NSUN2: variants seen among roughly 807,000 people sequenced by gnomAD.
NSUN2 encodes the protein NOP2/Sun RNA methyltransferase 2.
NSUN2 carries 63 observed loss-of-function variants against 92.7 expected under a neutral mutation model. The ratio of observed to expected loss-of-function variants is 0.68; its 90% CI spans 0.56 to 0.84. NSUN2 has a LOEUF of 0.84. NSUN2 is among the 40% of genes least tolerant of loss of function. The probability of loss-of-function intolerance (pLI) is 0.00; values close to 1 mark genes in which losing one functional copy is unlikely to be tolerated. For missense variants in NSUN2, 989 were observed against 964.9 expected (o/e 1.02, Z -0.33); for synonymous variants, 356 against 348.3 (o/e 1.02, Z -0.25).
At chr5:6,630,165 C>CT (rs1737819423) in intron 3 of NSUN2, among the ~76,000 whole-genome samples, 1 of 152,214 alleles carries the variant, frequency 6.6e-6, no homozygotes, top group South Asian at 2.1e-4. Context: ...AATGCCATAA[C>CT]TAGAGGCTGA....
At chr5:6,632,805 T>A (rs1737989548) in intron 1 of NSUN2, 49 bp from the exon 2 acceptor site, 1 of 1,583,648 alleles carries the variant, frequency 6.3e-7, no homozygotes, top group Non-Finnish European at 8.6e-7. Context: ...AGCCGCCCCC[T>A]CGCCGCCGCC....
In NSUN2 at chr5:6,620,105, C is replaced by A; in HGVS notation, c.815+1G>T. On this transcript the variant is annotated splice_donor_variant, in intron 7 of 18. Transcript: ENST00000264670. LOFTEE classifies it high-confidence loss of function. ...GGCTTTTTGGCCAATAAGATAAATA[C>A]CTGCAAGGGACATCACATAAAATTC... 1 of 1,562,226 alleles carries A rather than the reference C, an allele frequency of 6.4e-7. No individual in the cohort carries two copies. The highest frequency in any genetic ancestry group is 8.6e-7 in the Non-Finnish European group (1 of 1,156,550).
At chr5:6,605,178 A>G in intron 15 of NSUN2, 95 bp downstream of exon 15, 1 of 1,514,640 alleles carries the variant, frequency 6.6e-7, no homozygotes, top group East Asian at 2.3e-5. Context: ...TGGGGAGGGC[A>G]GATGTCACGG....
At chr5:6,631,697 A>G (rs1737902688) in intron 3 of NSUN2, among the ~76,000 whole-genome samples, 176 bp downstream of exon 3, 1 of 152,260 alleles carries the variant, frequency 6.6e-6, no homozygotes, top group South Asian at 2.1e-4. Context: ...CGCAAATCGC[A>G]TGAAAACTTG....
At chr5:6,632,789 C>T in intron 1 of NSUN2, 33 bp from the exon 2 acceptor site, 1 of 1,603,364 alleles carries the variant, frequency 6.2e-7, no homozygotes, top group Admixed American at 1.7e-5. Context: ...ACCCCGAGGC[C>T]CAAGGAGCCG....
At chr5:6,613,305 G>A (rs3756427) in intron 9 of NSUN2, among the ~76,000 whole-genome samples, 87,756 of 152,132 alleles carry the variant, frequency 0.58, 26,184 homozygotes, top group Non-Finnish European at 0.66. Context: ...AAGACTAGAG[G>A]AAAAGTTGCA....
intron 7 of NSUN2, among the ~76,000 whole-genome samples, chr5:6,618,893 G>A (rs1737323011): frequency 6.6e-6 from 1 of 152,144 alleles, no homozygotes; most frequent in South Asian, 2.1e-4. Context: ...TGGTCTAGCC[G>A]CGTGTACACG....
Position 6,599,664 on chromosome 5 carries a change from A to G in NSUN2, c.*262T>C. ...AACTTTTGAAAGTCTATTCCCAGCA[A>G]AAGAAACACTAGACCCAGCTTGGCC... On this transcript the variant is annotated 3_prime_UTR_variant, in exon 19 of 19. Transcript: ENST00000264670. 2.4e-6 allele frequency: 1 copy of G among 425,304 alleles called. No homozygotes were observed. Among genetic ancestry groups the G allele is most frequent in the Non-Finnish European group, 4.2e-6 (1 of 240,542 alleles). 26.3% of individuals were successfully genotyped at this position (425,304 alleles called of 1,614,324 possible).
Position 6,600,145 on chromosome 5 carries a change from C to T in NSUN2, c.2085G>A (p.Arg695=). 6.2e-7 allele frequency: 1 copy of T among 1,614,154 alleles called. No homozygotes were observed. The highest frequency in any genetic ancestry group is 8.5e-7 in the Non-Finnish European group (1 of 1,179,986). The change falls in exon 19 of 19, where the codon CGG becomes CGA. Residue 695 remains arginine (R), a synonymous_variant. Transcript: ENST00000264670. The part of the protein sequence containing the change: ...SIRTFVPKNE[R]LHYLRMMGLE... Reference sequence around the variant, plus strand: ...GCCCCATCATCCTGAGATAATGAAGCCGTTCATTCTTGGGCACAAAAGTTC... The same window carrying T: ...GCCCCATCATCCTGAGATAATGAAGTCGTTCATTCTTGGGCACAAAAGTTC...
At chr5:6,630,391 C>T (rs1414379932) in intron 3 of NSUN2, among the ~76,000 whole-genome samples, 2 of 152,194 alleles carry the variant, frequency 1.3e-5, no homozygotes, top group African/African-American at 4.8e-5. Flanking sequence ...CTGCAACCTC[C>T]ACCTCCTGGG....
chr5:6,608,133 T>C (rs1193668472), intron 12 of NSUN2, among the ~76,000 whole-genome samples: 1 of 152,218 alleles, frequency 6.6e-6, no homozygotes, highest in Non-Finnish European at 1.5e-5. Flanking sequence ...GCCGGGAGCA[T>C]CCCAGGGAAC....
At chr5:6,622,623 G>C (rs1184831449) in intron 5 of NSUN2, among the ~76,000 whole-genome samples, 2 of 152,064 alleles carry the variant, frequency 1.3e-5, no homozygotes, top group African/African-American at 4.8e-5. Context: ...CAAGGCAGGC[G>C]GATCGCCTGA....
intron 13 of NSUN2, 128 bp from the exon 14 acceptor site, chr5:6,607,040 T>G: frequency 1.0e-6 from 1 of 970,494 alleles, no homozygotes; most frequent in Non-Finnish European, 1.6e-6. Flanking sequence ...GTTGAAACCT[T>G]CCGGCTTCCA....
chr5:6,607,103 C>G (rs957629946), intron 13 of NSUN2, 97 bp downstream of exon 13: 12 of 1,336,392 alleles, frequency 9.0e-6, no homozygotes, highest in Non-Finnish European at 1.1e-5. Context: ...GTACTGCCCC[C>G]TCAAACCGAC....
At position 6,633,030 on chromosome 5, in the gene NSUN2, G is replaced by C. The variant is rs1424725941; in HGVS notation, c.-51C>G. 7 of 1,404,078 alleles carry C rather than the reference G, an allele frequency of 5.0e-6. No homozygotes were observed. The highest frequency in any genetic ancestry group is 2.6e-4 in the Middle Eastern group (1 of 3,840). 87.0% of individuals were successfully genotyped at this position (1,404,078 alleles called of 1,614,324 possible). ...CGCAGAAACCGGCCCGCCACGGCCA[G>C]AACTCTAGCCCTACACCTCCCGGGA... On this transcript the variant is annotated 5_prime_UTR_variant, in exon 1 of 19. Transcript: ENST00000264670.
intron 5 of NSUN2, 139 bp from the exon 6 acceptor site, chr5:6,622,239 T>C: frequency 1.5e-6 from 1 of 660,176 alleles, no homozygotes; most frequent in African/African-American, 1.8e-5. Context: ...ATGACATAAT[T>C]TACTTTTAGG....
intron 7 of NSUN2, 61 bp from the exon 8 acceptor site, chr5:6,618,085 G>A: frequency 9.5e-7 from 1 of 1,057,672 alleles, no homozygotes. Context: ...CACTTTAACA[G>A]ATATGTCACA....
rs1213287987 is a variant in NSUN2, at chr5:6,632,775, G to A, written c.97-19C>T. The A allele has an allele frequency of 3.7e-6, 6 of 1,609,948 alleles. No individual in the cohort carries two copies. The highest frequency in any genetic ancestry group is 1.7e-4 in the Middle Eastern group (1 of 5,924). On this transcript the variant is annotated intron_variant, in intron 1 of 18. Transcript: ENST00000264670. The stretch of plus-strand genomic sequence containing the variant: ...CCCAGCCCTGAGGAAGGAAAGAGAC[G>A]TCTACCCCGAGGCCCAAGGAGCCGC...
At chr5:6,629,667 G>A (rs1324148918) in intron 3 of NSUN2, among the ~76,000 whole-genome samples, 1 of 152,166 alleles carries the variant, frequency 6.6e-6, no homozygotes, top group Non-Finnish European at 1.5e-5. Flanking sequence ...TATTTTAGAT[G>A]GTTTGGCTCT....
Sources: allele counts gnomAD v4.1 joint callset (sites outside exome capture counted in the v4.1 genomes callset), GRCh38; gene constraint gnomAD v4.1.1; transcripts MANE v1.5; gene names NCBI Gene and HGNC (gene_info 2026-07-23, HGNC 2026-07-21).